LRRK1: variants seen among roughly 807,000 people sequenced by gnomAD.
The protein encoded by LRRK1 is leucine-rich repeat serine/threonine-protein kinase 1.
In LRRK1, 113 loss-of-function variants were observed where a neutral mutation model predicts 209.1. The ratio of observed to expected loss-of-function variants is 0.54; its 90% CI spans 0.46 to 0.63. The LOEUF is 0.63. LRRK1 is among the 30% of genes least tolerant of loss of function. LRRK1 has a pLI of 0.00. For synonymous variants in LRRK1, 1,144 were observed against 1,099.7 expected, an observed-to-expected ratio of 1.04 and a Z score of -0.80; for missense variants, 2,284 against 2,632.2, an observed-to-expected ratio of 0.87 and a Z score of 2.89.
intron 6 of LRRK1, among the ~76,000 whole-genome samples, chr15:101,008,032 A>G (rs564263104): frequency 1.3e-5 from 2 of 150,930 alleles, no homozygotes; most frequent in South Asian, 4.2e-4. Flanking sequence ...TGGTGCAGCT[A>G]CTGAGGAGGC....
At chr15:101,051,251 C>T (rs1201985894) in intron 23 of LRRK1, among the ~76,000 whole-genome samples, 2 of 152,232 alleles carry the variant, frequency 1.3e-5, no homozygotes, top group African/African-American at 2.4e-5. Context: ...GACTGAGTTT[C>T]GTCTATGATA....
intron 20 of LRRK1, among the ~76,000 whole-genome samples, chr15:101,035,143 T>G (rs959943063): frequency 2.0e-5 from 3 of 152,100 alleles, no homozygotes; most frequent in African/African-American, 7.2e-5. Context: ...TTCTGCTGAT[T>G]TTGGGTTTGG....
At position 101,074,511 on chromosome 15, in the gene LRRK1, A is replaced by G. The variant is rs1387476386; in HGVS notation, c.*5663A>G. The G allele has an allele frequency of 6.6e-6, 1 of 152,162 alleles. No individual in the cohort carries two copies. The highest frequency in any genetic ancestry group is 2.4e-5 in the African/African-American group (1 of 41,420). 9.4% of individuals were successfully genotyped at this position (152,162 alleles called of 1,614,324 possible). A position where few individuals can be genotyped will look rare whatever the true frequency, so the allele number is the denominator to read the frequency against. On this transcript the variant is annotated 3_prime_UTR_variant, in exon 34 of 34. Coordinates refer to ENST00000388948, the MANE Select transcript of LRRK1 (RefSeq NM_024652.6). Reference sequence around the variant, plus strand: ...CCTCGTTTGGCAGCAACCCTGAGACACTTTACGGCCCTAGACCCTAAAAGC... The same window carrying G: ...CCTCGTTTGGCAGCAACCCTGAGACGCTTTACGGCCCTAGACCCTAAAAGC...
rs2036538587 is a variant in LRRK1, at chr15:101,066,535, G to C, written c.5769-105G>C. ...ATAACTTAATCCCTTAGCAGAAACT[G>C]CATGTCTGTTGCCTCCCTCCCGCAC... is the stretch of plus-strand genomic sequence containing the variant. On this transcript the variant is annotated intron_variant, in intron 32 of 33. Transcript: ENST00000388948. The C allele has an allele frequency of 3.0e-6, 3 of 1,011,424 alleles. No homozygotes were observed. In the East Asian group the frequency reaches 7.1e-5, roughly 24 times the overall value. 62.7% of individuals were successfully genotyped at this position (1,011,424 alleles called of 1,614,324 possible).
rs186521975 is a variant in LRRK1 at position 100,975,940 on chromosome 15, C to T, written c.261+1973C>T. On this transcript the variant is annotated intron_variant, in intron 3 of 33. Transcript: ENST00000388948. ...AAGAGATTAATAAAATAGAAAATCT[C>T]TGGTGAGAGTAAAAGATAAAAAAGA... 2.0e-3 allele frequency among the ~76,000 whole-genome samples: 303 copies of T among 152,104 alleles called. 1 individual carries two copies. Among genetic ancestry groups the T allele is most frequent in the Middle Eastern group, 3.4e-3 (1 of 292 alleles).
chr15:101,056,377 A>T (rs1482890990), intron 27 of LRRK1, among the ~76,000 whole-genome samples: 1 of 152,240 alleles, frequency 6.6e-6, no homozygotes. Flanking sequence ...GTCCTTAATC[A>T]GTGACTAACA....
intron 6 of LRRK1, among the ~76,000 whole-genome samples, chr15:100,991,042 G>A (rs551722468): frequency 7.9e-5 from 12 of 152,302 alleles, no homozygotes; most frequent in Admixed American, 5.9e-4. Context: ...GAGGTGGCTA[G>A]CTTTTATCTC....
At chr15:101,014,510 G>A (rs2033435871) in intron 11 of LRRK1, 82 bp downstream of exon 11, 1 of 934,210 alleles carries the variant, frequency 1.1e-6, no homozygotes, top group African/African-American at 1.6e-5. Context: ...ATGGTGGCAT[G>A]TGAGTCTGCG....
At chr15:100,997,117 AT>A (rs2032457557) in intron 6 of LRRK1, among the ~76,000 whole-genome samples, 2 of 151,778 alleles carry the variant, frequency 1.3e-5, no homozygotes, top group African/African-American at 4.8e-5. Context: ...AGACATATAT[AT>A]ATTTAAAAGC....
chr15:101,045,284 C>T (rs1252746794), intron 20 of LRRK1, among the ~76,000 whole-genome samples: 7 of 152,214 alleles, frequency 4.6e-5, no homozygotes, highest in East Asian at 1.9e-4. Context: ...CACCAGGGGC[C>T]GTCCTGTACC....
In LRRK1 at chr15:101,013,430, C is replaced by T. The variant is rs73488819; in HGVS notation, c.1420-886C>T. Reference sequence around the variant, plus strand: ...GGGAGATAGCATGTCTAAGGTACTCCTGCAAAGTAAAACGTGGGCCAGGCA... The same window carrying T: ...GGGAGATAGCATGTCTAAGGTACTCTTGCAAAGTAAAACGTGGGCCAGGCA... On this transcript the variant is annotated intron_variant, in intron 10 of 33. Coordinates refer to ENST00000388948, the MANE Select transcript of LRRK1 (RefSeq NM_024652.6). Among the ~76,000 whole-genome samples the T allele has an allele frequency of 7.8e-3, 1,189 of 152,132 alleles. 14 individuals are homozygous for T. Among genetic ancestry groups the T allele is most frequent in the African/African-American group, 0.026 (1,094 of 41,488 alleles).
At chr15:100,984,007 T>C (rs1308066048) in intron 4 of LRRK1, among the ~76,000 whole-genome samples, 3 of 152,222 alleles carry the variant, frequency 2.0e-5, no homozygotes, top group Non-Finnish European at 4.4e-5. Context: ...AAAAATCAAT[T>C]GGAATGTACG....
chr15:100,996,171 G>A (rs2032399908), intron 6 of LRRK1, among the ~76,000 whole-genome samples: 1 of 152,268 alleles, frequency 6.6e-6, no homozygotes, highest in African/African-American at 2.4e-5. Flanking sequence ...GTCTTAGATA[G>A]GACCTCACAT....
At chr15:100,964,803 C>T (rs1276950208) in intron 2 of LRRK1, among the ~76,000 whole-genome samples, 4 of 75,620 alleles carry the variant, frequency 5.3e-5, no homozygotes, top group Non-Finnish European at 1.3e-4. Context: ...CACGTGCACA[C>T]GCATGCGCGC....
intron 24 of LRRK1, among the ~76,000 whole-genome samples, chr15:101,052,457 CCTT>C (rs1170414863): frequency 2.6e-5 from 4 of 151,688 alleles, no homozygotes; most frequent in African/African-American, 9.7e-5. Context: ...GCCTCGTTTA[CCTT>C]CTTTGTCAAA....
intron 30 of LRRK1, among the ~76,000 whole-genome samples, chr15:101,061,677 G>A (rs938614690): frequency 6.6e-6 from 1 of 152,150 alleles, no homozygotes; most frequent in Non-Finnish European, 1.5e-5. Context: ...CCCAAGGAGG[G>A]GTCTTCTGAG....
At chr15:101,056,668 T>C (rs767451292) in intron 27 of LRRK1, among the ~76,000 whole-genome samples, 188 bp from the exon 28 acceptor site, 15 of 152,118 alleles carry the variant, frequency 9.9e-5, no homozygotes, top group South Asian at 2.1e-4. Context: ...AATGGATAGA[T>C]AAATGGATAG....
At chr15:101,055,249 G>T in intron 27 of LRRK1, 26 bp downstream of exon 27, 1 of 1,522,274 alleles carries the variant, frequency 6.6e-7, no homozygotes, top group Non-Finnish European at 8.8e-7. Flanking sequence ...CCCTGGCCCA[G>T]CCCCACAGTG....
chr15:101,052,568 A>G (rs11635914), intron 24 of LRRK1, among the ~76,000 whole-genome samples: 40,561 of 152,044 alleles, frequency 0.27, 6,091 homozygotes, highest in Middle Eastern at 0.37. Context: ...TCATAACTAG[A>G]GAGAGAATCG....
Sources: allele counts gnomAD v4.1 joint callset (sites outside exome capture counted in the v4.1 genomes callset), GRCh38; gene constraint gnomAD v4.1.1; transcripts MANE v1.5; gene names NCBI Gene and HGNC (gene_info 2026-07-23, HGNC 2026-07-21).